LRFN4: variants seen among roughly 807,000 people sequenced by gnomAD.
LRFN4 encodes the protein leucine-rich repeat and fibronectin type-III domain-containing protein 4.
In LRFN4, 10 loss-of-function variants were observed where a neutral mutation model predicts 29.0. The observed-to-expected ratio is 0.35, with a 90% CI of 0.21 to 0.59. The LOEUF is 0.59. Ranked by LOEUF, LRFN4 falls within the 20% of genes least tolerant of loss-of-function variation. The pLI is 0.82. For synonymous variants in LRFN4, 493 were observed against 437.0 expected, an observed-to-expected ratio of 1.13 and a Z score of -1.60; for missense variants, 850 against 907.9, an observed-to-expected ratio of 0.94 and a Z score of 0.82.
chr11:66,858,896 C>T lies in LRFN4; in HGVS notation c.1152C>T (p.Pro384=), dbSNP rs550761110. The change falls in exon 1 of 2, where the codon CCC becomes CCT. Residue 384 remains proline, a synonymous_variant. Coordinates refer to ENST00000309602, the MANE Select transcript of LRFN4 (RefSeq NM_024036.5). This position sits in a 1 kb window ranked among gnomAD's most constrained non-coding sequence, Gnocchi z 5.9. ...ACAGCAGTGCCGAGGGGGGCCGCCC[C>T]GGGCCCTCGGACATCGCCGCCTCCG... ...GGNSSAEGGR[P]GPSDIAASAR... 2.2e-5 allele frequency: 35 copies of T among 1,560,048 alleles called. No homozygotes were observed. The highest frequency in any genetic ancestry group is 9.4e-5 in the South Asian group (8 of 85,500).
Position 66,857,934 on chromosome 11 carries a change from G to A in LRFN4, c.190G>A (p.Gly64Arg). 1 of 1,612,446 alleles carries A rather than the reference G, an allele frequency of 6.2e-7. No individual in the cohort carries two copies. The highest frequency in any genetic ancestry group is 8.5e-7 in the Non-Finnish European group (1 of 1,179,926). ...RLADNFIQAL[G>R]PPDFRNMTGL... ...GGCTGACAACTTCATCCAGGCCCTG[G>A]GGCCCCCTGACTTCCGCAACATGAC... Residue 64 changes from glycine to arginine, a missense_variant, in exon 1 of 2, where the codon GGG (glycine) becomes AGG (arginine). Coordinates refer to ENST00000309602, the MANE Select transcript of LRFN4 (RefSeq NM_024036.5). This position sits in a 1 kb window ranked among gnomAD's most constrained non-coding sequence, Gnocchi z 7.1.
rs144041059 is a variant in LRFN4 at position 66,858,959 on chromosome 11, T to C, written c.1215T>C (p.Ser405=). The part of the protein sequence containing the change: ...TAAEGEGTLE[S]EPAVQVTEVT... The stretch of plus-strand genomic sequence containing the variant: ...CCGAGGGTGAGGGGACGCTGGAGTC[T>C]GAGCCAGCCGTGCAGGTGACGGAGG... Residue 405 remains serine (S), a synonymous_variant, in exon 1 of 2, where the codon TCT becomes TCC. Transcript: ENST00000309602. The surrounding 1 kb of genome is among the most constrained non-coding windows in gnomAD (Gnocchi z 5.9). 6.3e-7 allele frequency: 1 copy of C among 1,576,484 alleles called. No individual in the cohort carries two copies. Among genetic ancestry groups the C allele is most frequent in the African/African-American group, 1.4e-5 (1 of 74,050 alleles).
At position 66,858,152 on chromosome 11, in the gene LRFN4, G is replaced by A. The variant is rs146995687; in HGVS notation, c.408G>A (p.Ala136=). Residue 136 remains alanine (A), a synonymous_variant, in exon 1 of 2, where the codon GCG becomes GCA. Coordinates refer to ENST00000309602, the MANE Select transcript of LRFN4 (RefSeq NM_024036.5). This position sits in a 1 kb window ranked among gnomAD's most constrained non-coding sequence, Gnocchi z 5.9. ...ILSGNQLGRI[A]PGAFDDFLES... ...GCGGCAACCAGCTGGGCCGCATCGC[G>A]CCGGGAGCCTTCGACGACTTCCTAG... 7.4e-5 allele frequency: 119 copies of A among 1,610,688 alleles called. No individual in the cohort carries two copies. Among genetic ancestry groups the A allele is most frequent in the Middle Eastern group, 5.0e-4 (3 of 6,056 alleles).
At position 66,859,937 on chromosome 11, in the gene LRFN4, C is replaced by T. The variant is rs1946140758; in HGVS notation, c.1650C>T (p.Pro550=). 3.1e-6 allele frequency: 5 copies of T among 1,593,580 alleles called. No homozygotes were observed. The highest frequency in any genetic ancestry group is 4.3e-6 in the Non-Finnish European group (5 of 1,170,466). ...RGRGAGNGRL[P]LKLSHVQSQT... ...GGGGGGCCGGAAATGGCCGCCTCCC[C>T]CTCAAGCTCAGCCACGTCCAGTCCC... Residue 550 remains proline (P), a synonymous_variant, in exon 2 of 2, where the codon CCC becomes CCT. Transcript: ENST00000309602.
Position 66,860,362 on chromosome 11 carries a change from AC to A in LRFN4, c.*169del. The A allele has an allele frequency of 9.5e-7, 1 of 1,054,356 alleles. No individual in the cohort carries two copies. Among genetic ancestry groups the A allele is most frequent in the Non-Finnish European group, 1.4e-6 (1 of 706,992 alleles). 65.3% of individuals were successfully genotyped at this position (1,054,356 alleles called of 1,614,324 possible). ...CCCTTTCCTCGGTTCTGGCCTCCAG[AC>A]CAGGGTAAGGGCAGGCCCCTCCAAC... is the stretch of plus-strand genomic sequence containing the variant. On this transcript the variant is annotated 3_prime_UTR_variant, in exon 2 of 2. Transcript: ENST00000309602.
chr11:66,857,937 C>T lies in LRFN4; in HGVS notation c.193C>T (p.Pro65Ser), dbSNP rs1176928179. ...LADNFIQALG[P>S]PDFRNMTGLV... ...TGACAACTTCATCCAGGCCCTGGGG[C>T]CCCCTGACTTCCGCAACATGACGGG... Residue 65 changes from proline (P) to serine (S), a missense_variant, in exon 1 of 2, where the codon CCC becomes TCC. Coordinates refer to ENST00000309602, the MANE Select transcript of LRFN4 (RefSeq NM_024036.5). This position sits in a 1 kb window ranked among gnomAD's most constrained non-coding sequence, Gnocchi z 7.1. 2 of 1,612,224 alleles carry T rather than the reference C, an allele frequency of 1.2e-6. No individual in the cohort carries two copies. The highest frequency in any genetic ancestry group is 3.3e-5 in the Admixed American group (2 of 60,022).
rs1946189357 is a variant in LRFN4, at chr11:66,860,386, AACAGGTGCTC to A, written c.*196_*205del. On this transcript the variant is annotated 3_prime_UTR_variant, in exon 2 of 2. Coordinates refer to ENST00000309602, the MANE Select transcript of LRFN4 (RefSeq NM_024036.5). ...GACCAGGGTAAGGGCAGGCCCCTCC[AACAGGTGCTC>A]ACAGCCACCGAGGCAGGGGCTGCAG... 2 of 821,434 alleles carry A rather than the reference AACAGGTGCTC, an allele frequency of 2.4e-6. No homozygotes were observed. Among genetic ancestry groups the A allele is most frequent in the African/African-American group, 1.7e-5 (1 of 59,596 alleles). 50.9% of individuals were successfully genotyped at this position (821,434 alleles called of 1,614,324 possible).
rs777097562 is a variant in LRFN4, at chr11:66,858,489, G to C, written c.745G>C (p.Ala249Pro). 150 of 1,539,316 alleles carry C rather than the reference G, an allele frequency of 9.7e-5. No homozygotes were observed. The highest frequency in any genetic ancestry group is 1.3e-4 in the Non-Finnish European group (147 of 1,148,840). The change falls in exon 1 of 2, where the codon GCG becomes CCG. Residue 249 changes from alanine to proline, a missense_variant. Transcript: ENST00000309602. The surrounding 1 kb of genome is among the most constrained non-coding windows in gnomAD (Gnocchi z 5.9). ...TGAGCTGCTGTGGCTGCGGCGGCTG[G>C]CGCGGCCGGACGACCTGGAAACGTG... Reference protein sequence around the residue: ...NCELLWLRRLARPDDLETCAS... With the variant: ...NCELLWLRRLPRPDDLETCAS...
At position 66,859,009 on chromosome 11, in the gene LRFN4, G is replaced by C; in HGVS notation, c.1265G>C (p.Ser422Thr). 1.3e-6 allele frequency: 2 copies of C among 1,522,564 alleles called. No individual in the cohort carries two copies. The highest frequency in any genetic ancestry group is 8.8e-7 in the Non-Finnish European group (1 of 1,134,926). The allele number at this position is 1,522,564 out of a possible 1,614,324, so 94.3% of individuals were successfully genotyped here. A position where few individuals can be genotyped will look rare whatever the true frequency, so the allele number is the denominator to read the frequency against. The change falls in exon 1 of 2, where the codon AGC becomes ACC. Residue 422 changes from serine (S) to threonine (T), a missense_variant. Coordinates refer to ENST00000309602, the MANE Select transcript of LRFN4 (RefSeq NM_024036.5). The stretch of plus-strand genomic sequence containing the variant: ...GTGACCGCCACCTCAGGGCTGGTGA[G>C]CTGGGGTCCCGGGCGGCCAGCCGAC... The part of the protein sequence containing the change: ...TEVTATSGLV[S>T]WGPGRPADPV...
Position 66,858,881 on chromosome 11 carries a change from C to G in LRFN4, c.1137C>G (p.Ala379=). ...LALPHGGNSS[A]EGGRPGPSDI... Reference sequence around the variant, plus strand: ...TGCCCCATGGTGGGAACAGCAGTGCCGAGGGGGGCCGCCCCGGGCCCTCGG... The same window carrying G: ...TGCCCCATGGTGGGAACAGCAGTGCGGAGGGGGGCCGCCCCGGGCCCTCGG... The change falls in exon 1 of 2, where the codon GCC becomes GCG. Residue 379 remains alanine (A), a synonymous_variant. Transcript: ENST00000309602. This position sits in a 1 kb window ranked among gnomAD's most constrained non-coding sequence, Gnocchi z 5.9. The G allele has an allele frequency of 6.4e-7, 1 of 1,553,542 alleles. No homozygotes were observed. The highest frequency in any genetic ancestry group is 8.7e-7 in the Non-Finnish European group (1 of 1,148,712).
At position 66,860,438 on chromosome 11, in the gene LRFN4, T is replaced by G; in HGVS notation, c.*243T>G. On this transcript the variant is annotated 3_prime_UTR_variant, in exon 2 of 2. Transcript: ENST00000309602. ...GGGCTGCAGCCACCCACTGGGAGTC[T>G]TGTTTTTATTTATAATAAAATTGTT... The G allele has an allele frequency of 1.4e-6, 1 of 705,722 alleles. No homozygotes were observed. The highest frequency in any genetic ancestry group is 2.6e-6 in the Non-Finnish European group (1 of 387,842). The allele number at this position is 705,722 out of a possible 1,614,324, so 43.7% of individuals were successfully genotyped here. A position where few individuals can be genotyped will look rare whatever the true frequency, so the allele number is the denominator to read the frequency against.
At position 66,860,468 on chromosome 11, in the gene LRFN4, A is replaced by C; in HGVS notation, c.*273A>C. 1 of 703,084 alleles carries C rather than the reference A, an allele frequency of 1.4e-6. No individual in the cohort carries two copies. Among genetic ancestry groups the C allele is most frequent in the South Asian group, 1.5e-5 (1 of 67,594 alleles). The allele number at this position is 703,084 out of a possible 1,614,324, so 43.6% of individuals were successfully genotyped here. On this transcript the variant is annotated 3_prime_UTR_variant, in exon 2 of 2. Coordinates refer to ENST00000309602, the MANE Select transcript of LRFN4 (RefSeq NM_024036.5). ...TTTATTTATAATAAAATTGTTGGGG[A>C]CACCTCAGTGCTAGTCTCTGGTGTT... is the stretch of plus-strand genomic sequence containing the variant.
rs1481614540 is a variant in LRFN4, at chr11:66,860,154, G to T, written c.1867G>T (p.Val623Leu). The T allele has an allele frequency of 2.6e-6, 4 of 1,548,792 alleles. No homozygotes were observed. In the South Asian group the frequency reaches 4.8e-5, roughly 18 times the overall value. The change falls in exon 2 of 2, where the codon GTA becomes TTA. Residue 623 changes from valine to leucine, a missense_variant. Val to Leu is a conservative substitution (Grantham distance 32, BLOSUM62 1). This residue lies in a region of LRFN4 where 744 missense variants were observed against 753.8 expected (regional missense o/e 0.99). Coordinates refer to ENST00000309602, the MANE Select transcript of LRFN4 (RefSeq NM_024036.5). Reference protein sequence around the residue: ...GGLLGAGCRGVGGSAERLEES... With the variant: ...GGLLGAGCRGLGGSAERLEES... ...GCTGCTCGGGGCAGGGTGCCGGGGG[G>T]TAGGAGGCAGCGCCGAGCGGCTGGA...
At chr11:66,859,305 G>A (rs1946094625) in intron 1 of LRFN4, among the ~76,000 whole-genome samples, 1 of 152,154 alleles carries the variant, frequency 6.6e-6, no homozygotes. Context: ...ACCCCACCCC[G>A]AGATGTCCCA....
chr11:66,857,642 G>A lies in LRFN4; in HGVS notation c.-103G>A. 7.5e-7 allele frequency: 1 copy of A among 1,324,538 alleles called. No individual in the cohort carries two copies. The highest frequency in any genetic ancestry group is 1.0e-6 in the Non-Finnish European group (1 of 992,494). 82.0% of individuals were successfully genotyped at this position (1,324,538 alleles called of 1,614,324 possible). ...TCTGACCCAGCCCCTCCCCGGGCCA[G>A]GCTCACAGAAGCTGGCTTCTGGGAC... On this transcript the variant is annotated 5_prime_UTR_variant, in exon 1 of 2. Coordinates refer to ENST00000309602, the MANE Select transcript of LRFN4 (RefSeq NM_024036.5). The surrounding 1 kb of genome is among the most constrained non-coding windows in gnomAD (Gnocchi z 7.1).
In LRFN4 at chr11:66,858,703, G is replaced by T. The variant is rs775668753; in HGVS notation, c.959G>T (p.Arg320Leu). ...ATGCACTGGGTCGGTCCTGACGACC[G>T]GTTGGTTGGCAACTCCTCCCGAGCC... ...PTMHWVGPDD[R>L]LVGNSSRARA... is the part of the protein sequence containing the mutation. The change falls in exon 1 of 2, where the codon CGG becomes CTG. Residue 320 changes from arginine (R) to leucine (L), a missense_variant. Coordinates refer to ENST00000309602, the MANE Select transcript of LRFN4 (RefSeq NM_024036.5). The surrounding 1 kb of genome is among the most constrained non-coding windows in gnomAD (Gnocchi z 5.9). 1 of 1,550,810 alleles carries T rather than the reference G, an allele frequency of 6.4e-7. No homozygotes were observed. Among genetic ancestry groups the T allele is most frequent in the South Asian group, 1.2e-5 (1 of 84,654 alleles).
Position 66,858,524 on chromosome 11 carries a change from G to A in LRFN4, c.780G>A (p.Pro260=), listed in dbSNP as rs906130722. The A allele has an allele frequency of 3.5e-5, 53 of 1,533,742 alleles. No homozygotes were observed. Among genetic ancestry groups the A allele is most frequent in the African/African-American group, 2.6e-4 (19 of 72,950 alleles). Residue 260 remains proline, a synonymous_variant, in exon 1 of 2, where the codon CCG becomes CCA. Transcript: ENST00000309602. The surrounding 1 kb of genome is among the most constrained non-coding windows in gnomAD (Gnocchi z 5.9). ...ACGACCTGGAAACGTGCGCCTCCCC[G>A]CCCGGCCTGGCCGGCCGCTACTTCT... ...RPDDLETCAS[P]PGLAGRYFWA... is the part of the protein sequence containing the mutation.
Position 66,858,651 on chromosome 11 carries a change from C to A in LRFN4, c.907C>A (p.Arg303=). The A allele has an allele frequency of 6.5e-7, 1 of 1,541,206 alleles. No individual in the cohort carries two copies. Among genetic ancestry groups the A allele is most frequent in the Non-Finnish European group, 8.7e-7 (1 of 1,144,006 alleles). ...AGGCCAGCGGGCCACGCTGCGGTGCCGGGCCCTGGGTGACCCCGCGCCTAC... is the reference window on the plus strand; with the variant it reads ...AGGCCAGCGGGCCACGCTGCGGTGCAGGGCCCTGGGTGACCCCGCGCCTAC... The part of the protein sequence containing the change: ...LEGQRATLRC[R]ALGDPAPTMH... The change falls in exon 1 of 2, where the codon CGG becomes AGG. Residue 303 remains arginine (R), a synonymous_variant. Coordinates refer to ENST00000309602, the MANE Select transcript of LRFN4 (RefSeq NM_024036.5). The surrounding 1 kb of genome is among the most constrained non-coding windows in gnomAD (Gnocchi z 5.9).
rs2135876267 is a variant in LRFN4 at position 66,859,667 on chromosome 11, G to A, written c.1380G>A (p.Leu460=). The A allele has an allele frequency of 6.2e-7, 1 of 1,613,060 alleles. No individual in the cohort carries two copies. Among genetic ancestry groups the A allele is most frequent in the Non-Finnish European group, 8.5e-7 (1 of 1,179,934 alleles). The part of the protein sequence containing the change: ...RIVPASSHHF[L]LKHLVPGADY... The stretch of plus-strand genomic sequence containing the variant: ...TCCCAGCCTCCAGCCACCACTTCCT[G>A]CTGAAGCACCTCGTCCCCGGCGCTG... Residue 460 remains leucine (L), a synonymous_variant, in exon 2 of 2, where the codon CTG becomes CTA. Transcript: ENST00000309602.
Sources: allele counts gnomAD v4.1 joint callset (sites outside exome capture counted in the v4.1 genomes callset), GRCh38; gene constraint gnomAD v4.1.1; regional missense constraint gnomAD v4.1.1; non-coding constraint Gnocchi (gnomAD v3.1); transcripts MANE v1.5; gene names NCBI Gene and HGNC (gene_info 2026-07-23, HGNC 2026-07-21).